Variants in NUP107 observed in about 807,000 individuals in gnomAD.
NUP107 encodes nuclear pore complex protein Nup107.
Under a neutral mutation model 141.0 loss-of-function variants are expected in NUP107, and 101 were observed. That is an observed-to-expected ratio of 0.72 (90% CI 0.61 to 0.84). NUP107 has a LOEUF of 0.84. Among genes scored for constraint, NUP107 ranks in the 40% least tolerant of loss-of-function variants. The probability of loss-of-function intolerance (pLI) is 0.00; values close to 1 mark genes in which losing one functional copy is unlikely to be tolerated. For synonymous variants in NUP107, 319 were observed against 363.9 expected (o/e 0.88, Z 1.41); for missense variants, 941 against 1,102.7 (o/e 0.85, Z 2.08).
At chr12:68,705,839 A>G (rs1487811505) in intron 8 of NUP107, 19 of 774,476 alleles carry the variant, frequency 2.5e-5, no homozygotes, top group Admixed American at 8.5e-5. Context: ...GTCACGGTCA[A>G]CCAGAGCCTG....
intron 8 of NUP107, among the ~76,000 whole-genome samples, chr12:68,705,467 C>T (rs1217571833): frequency 2.7e-5 from 4 of 150,392 alleles, no homozygotes; most frequent in East Asian, 1.9e-4. Context: ...TATAGTCAGC[C>T]GAAATTCCTT....
chr12:68,734,485 G>A (rs541371538), intron 24 of NUP107, among the ~76,000 whole-genome samples: 37 of 152,152 alleles, frequency 2.4e-4, no homozygotes, highest in African/African-American at 8.7e-4. Flanking sequence ...TGCTCAGATT[G>A]GAGAATATGC....
At chr12:68,705,720 C>T in intron 8 of NUP107, 5 of 664,872 alleles carry the variant, frequency 7.5e-6, no homozygotes, top group East Asian at 3.0e-5. Context: ...TGTGTGGGCC[C>T]AGTGCCTGCA....
chr12:68,713,756 A>G lies in NUP107; in HGVS notation c.917A>G (p.Gln306Arg), dbSNP rs1274089007. Residue 306 changes from glutamine (Q) to arginine (R), a missense_variant, in exon 11 of 28, where the codon CAA becomes CGA. Transcript: ENST00000229179. ...YWENTLHTLK[Q>R]RQLTSYVGSV... ...GAAAATACTCTGCATACCTTAAAAC[A>G]ACGGCAGCTGACTTCTTACGTTGGA... 2 of 1,607,702 alleles carry G rather than the reference A, an allele frequency of 1.2e-6. No individual in the cohort carries two copies.
chr12:68,694,286 A>G (rs900175663), intron 5 of NUP107, among the ~76,000 whole-genome samples: 6 of 152,242 alleles, frequency 3.9e-5, no homozygotes, highest in African/African-American at 1.4e-4. Flanking sequence ...CTACTTTGTA[A>G]TGGTGTGCTT....
At position 68,688,980 on chromosome 12, in the gene NUP107, A is replaced by G; in HGVS notation, c.27A>G (p.Ile9Met). 6.2e-7 allele frequency: 1 copy of G among 1,613,490 alleles called. No individual in the cohort carries two copies. The highest frequency in any genetic ancestry group is 1.1e-5 in the South Asian group (1 of 91,022). The part of the protein sequence containing the change: MDRSGFGE[I>M]SSPVIREAEV... ...ACTTTAGGAGTGGCTTTGGAGAGAT[A>G]TCATCCCCTGTAATCCGGGAGGCAG... The change falls in exon 2 of 28, where the codon ATA becomes ATG. Residue 9 changes from isoleucine to methionine, a missense_variant. Ile to Met is a conservative substitution (Grantham distance 10). Transcript: ENST00000229179.
At chr12:68,704,639 A>T (rs1022129739) in intron 8 of NUP107, among the ~76,000 whole-genome samples, 1 of 151,896 alleles carries the variant, frequency 6.6e-6, no homozygotes, top group Non-Finnish European at 1.5e-5. Context: ...CTTTTAGTAG[A>T]GACAGGGTTT....
At chr12:68,727,952 T>C (rs1433483219) in intron 20 of NUP107, among the ~76,000 whole-genome samples, 1 of 152,160 alleles carries the variant, frequency 6.6e-6, no homozygotes, top group African/African-American at 2.4e-5. Context: ...TGTATTCTTA[T>C]GATAATGTAA....
chr12:68,718,879 TA>T (rs1877227332), intron 12 of NUP107, among the ~76,000 whole-genome samples: 1 of 151,982 alleles, frequency 6.6e-6, no homozygotes, highest in Non-Finnish European at 1.5e-5. Flanking sequence ...TGTATGTATG[TA>T]TGTATGTATG....
intron 10 of NUP107, among the ~76,000 whole-genome samples, chr12:68,710,805 A>G (rs972644010): frequency 2.0e-5 from 3 of 152,228 alleles, no homozygotes; most frequent in African/African-American, 7.2e-5. Context: ...GAGATGATAT[A>G]AAGTATATGG....
Position 68,730,216 on chromosome 12 carries a change from T to TTTTTTTTTTC in NUP107, c.1735-885_1735-884insCTTTTTTTTT, listed in dbSNP as rs1422655871. 9.4e-5 allele frequency among the ~76,000 whole-genome samples: 12 copies of TTTTTTTTTTC among 127,664 alleles called. 1 individual carries two copies. Among genetic ancestry groups the TTTTTTTTTTC allele is most frequent in the Non-Finnish European group, 1.5e-4 (9 of 58,564 alleles). 83.8% of individuals were successfully genotyped at this position (127,664 alleles called of 152,430 possible). A position where few individuals can be genotyped will look rare whatever the true frequency, so the allele number is the denominator to read the frequency against. On this transcript the variant is annotated intron_variant, in intron 20 of 27. Transcript: ENST00000229179. The stretch of plus-strand genomic sequence containing the variant: ...CCTGCCCTCAGGGGTGATACTACCT[T>TTTTTTTTTTC]TTTTTTTTTTTTTTTTTTTGAGAGA...
In NUP107 at chr12:68,689,011, A is replaced by ACACGGACTG; in HGVS notation, c.65_73dup (p.Thr22_Arg24dup). On this transcript the variant is annotated inframe_insertion, in exon 2 of 28. Transcript: ENST00000229179. ...CCCTGTAATCCGGGAGGCAGAGGTG[A>ACACGGACTG]CACGGACTGCACGGAAACAGAGTGC... 1.2e-6 allele frequency: 2 copies of ACACGGACTG among 1,613,836 alleles called. No homozygotes were observed. The highest frequency in any genetic ancestry group is 1.7e-6 in the Non-Finnish European group (2 of 1,179,816).
intron 26 of NUP107, among the ~76,000 whole-genome samples, chr12:68,741,417 C>G (rs1362125993): frequency 6.6e-6 from 1 of 152,156 alleles, no homozygotes; most frequent in African/African-American, 2.4e-5. Flanking sequence ...GTGCCCCTCC[C>G]CACATCGTCT....
At chr12:68,695,157 G>A (rs977187452) in intron 5 of NUP107, among the ~76,000 whole-genome samples, 4 of 152,186 alleles carry the variant, frequency 2.6e-5, no homozygotes, top group African/African-American at 7.2e-5. Context: ...TCAAATCCTT[G>A]TGCACTATTG....
chr12:68,689,641 G>A (rs1373908917), intron 3 of NUP107, 22 bp downstream of exon 3: 13 of 1,473,228 alleles, frequency 8.8e-6, no homozygotes, highest in Non-Finnish European at 1.0e-5. Flanking sequence ...TGCTTTTAAA[G>A]CATTTAATAA....
At chr12:68,695,234 AG>A (rs930963901) in intron 5 of NUP107, among the ~76,000 whole-genome samples, 5 of 152,254 alleles carry the variant, frequency 3.3e-5, no homozygotes, top group African/African-American at 1.2e-4. Flanking sequence ...AATTAAAAAT[AG>A]AATTACCATA....
intron 1 of NUP107, among the ~76,000 whole-genome samples, chr12:68,688,221 G>T (rs995386126): frequency 1.3e-5 from 2 of 151,642 alleles, no homozygotes; most frequent in Non-Finnish European, 2.9e-5. Flanking sequence ...ATTGTTAAAC[G>T]TTTAAAATTG....
At chr12:68,728,023 C>T (rs748162841) in intron 20 of NUP107, among the ~76,000 whole-genome samples, 6 of 152,042 alleles carry the variant, frequency 3.9e-5, no homozygotes, top group South Asian at 2.1e-4. Context: ...TGGCTCATAC[C>T]GGTAATCCCA....
intron 8 of NUP107, among the ~76,000 whole-genome samples, chr12:68,703,842 G>A (rs565773055): frequency 1.3e-5 from 2 of 152,228 alleles, no homozygotes; most frequent in East Asian, 1.9e-4. Flanking sequence ...GAGTATAAAT[G>A]TACTGTAATT....
Sources: gnomAD v4.1 joint callset for allele counts (sites outside exome capture counted in the v4.1 genomes callset) on GRCh38, gnomAD v4.1.1 for gene constraint, MANE v1.5 for transcripts, NCBI Gene and HGNC (gene_info 2026-07-23, HGNC 2026-07-21) for gene names.